SLC30A7: variants seen among roughly 807,000 people sequenced by gnomAD.
SLC30A7 encodes solute carrier family 30 member 7.
SLC30A7 carries 35 observed loss-of-function variants against 46.0 expected under a neutral mutation model. That is an observed-to-expected ratio of 0.76 (90% confidence interval 0.58 to 1.01). The LOEUF is 1.01. SLC30A7 is among the 50% of genes least tolerant of loss of function. SLC30A7 has a pLI of 0.00. For missense variants in SLC30A7, 464 were observed against 451.1 expected (o/e 1.03, Z -0.26); for synonymous variants, 147 against 157.8 (o/e 0.93, Z 0.51).
At chr1:100,920,433 T>C (rs912119681) in intron 7 of SLC30A7, among the ~76,000 whole-genome samples, 1 of 152,050 alleles carries the variant, frequency 6.6e-6, no homozygotes. Context: ...TCTGACAAAA[T>C]TTATTTCTTT....
chr1:100,979,253 G>A lies in SLC30A7; in HGVS notation c.*4396G>A, dbSNP rs1175519746. ...TTTTTTTCCTTTCATCACCGTCTTT[G>A]AAACAAATTATTTTCCAATTCATAA... On this transcript the variant is annotated 3_prime_UTR_variant, in exon 11 of 11. Transcript: ENST00000357650. 1 of 150,238 alleles carries A rather than the reference G, an allele frequency of 6.7e-6. No individual in the cohort carries two copies. The highest frequency in any genetic ancestry group is 1.5e-5 in the Non-Finnish European group (1 of 67,606). The allele number at this position is 150,238 out of a possible 1,614,324, so 9.3% of individuals were successfully genotyped here.
At chr1:100,931,384 C>T (rs1254079310) in intron 8 of SLC30A7, among the ~76,000 whole-genome samples, 1 of 152,114 alleles carries the variant, frequency 6.6e-6, no homozygotes, top group Non-Finnish European at 1.5e-5. Context: ...ATGCACAATT[C>T]GTAAATATGC....
At chr1:100,973,142 C>T (rs1656251665) in intron 10 of SLC30A7, among the ~76,000 whole-genome samples, 1 of 151,930 alleles carries the variant, frequency 6.6e-6, no homozygotes, top group Non-Finnish European at 1.5e-5. Context: ...GCCTGCAAGC[C>T]TTTTATCCAT....
chr1:100,958,064 C>T (rs187367881), intron 8 of SLC30A7, among the ~76,000 whole-genome samples: 1 of 152,314 alleles, frequency 6.6e-6, no homozygotes, highest in East Asian at 1.9e-4. Flanking sequence ...TGTCAAAATC[C>T]TTAAGTCCAT....
chr1:100,973,064 A>T (rs1384502794), intron 10 of SLC30A7, among the ~76,000 whole-genome samples: 2 of 151,802 alleles, frequency 1.3e-5, no homozygotes, highest in South Asian at 4.1e-4. Context: ...ACAGGAAAAA[A>T]AAAAAGAAAA....
intron 8 of SLC30A7, among the ~76,000 whole-genome samples, chr1:100,937,278 C>CT (rs796807511): frequency 6.6e-6 from 1 of 152,060 alleles, no homozygotes; most frequent in South Asian, 2.1e-4. Flanking sequence ...ATTTAAACAT[C>CT]TGAGTATTTA....
intron 7 of SLC30A7, among the ~76,000 whole-genome samples, chr1:100,919,219 T>G (rs144374754): frequency 4.1e-4 from 62 of 152,230 alleles, no homozygotes; most frequent in African/African-American, 1.1e-3. Context: ...TAGTAATTTT[T>G]TTTTGTTTTG....
At chr1:100,901,920 T>G (rs1193330813) in intron 2 of SLC30A7, among the ~76,000 whole-genome samples, 3 of 152,124 alleles carry the variant, frequency 2.0e-5, no homozygotes. Flanking sequence ...TCATGTAACC[T>G]TAGGTATTCT....
At chr1:100,987,380 T>G in the SLC30A7 span, among the ~76,000 whole-genome samples, 20 of 152,314 alleles carry the variant, frequency 1.3e-4, no homozygotes, top group African/African-American at 4.6e-4. Flanking sequence ...GCTTGATATT[T>G]CCCCAAATGG....
At chr1:100,910,807 A>G (rs186032543) in intron 3 of SLC30A7, among the ~76,000 whole-genome samples, 60 of 152,248 alleles carry the variant, frequency 3.9e-4, no homozygotes, top group African/African-American at 1.4e-3. Context: ...TTCTAAAACT[A>G]CTTACTCTAA....
intron 5 of SLC30A7, 44 bp from the exon 6 acceptor site, chr1:100,913,614 TATATA>T: frequency 7.1e-7 from 1 of 1,399,252 alleles, no homozygotes; most frequent in Non-Finnish European, 1.0e-6. Flanking sequence ...TGTAACCATT[TATATA>T]ATATATTTTT....
chr1:100,958,473 G>A (rs1193218052), intron 8 of SLC30A7, among the ~76,000 whole-genome samples: 1 of 152,184 alleles, frequency 6.6e-6, no homozygotes, highest in Non-Finnish European at 1.5e-5. Context: ...ACCGCACCCG[G>A]CCAGTATTTG....
At chr1:100,958,388 G>C (rs1405931573) in intron 8 of SLC30A7, among the ~76,000 whole-genome samples, 2 of 152,158 alleles carry the variant, frequency 1.3e-5, no homozygotes, top group Non-Finnish European at 2.9e-5. Context: ...GTGTTAGCCA[G>C]GATGGTCTCG....
At chr1:100,940,979 C>T in intron 8 of SLC30A7, 1 of 376,918 alleles carries the variant, frequency 2.7e-6, no homozygotes, top group South Asian at 2.1e-5. Flanking sequence ...ACTTCTCTGG[C>T]TCTTCTCTCC....
At chr1:100,941,189 A>G in intron 8 of SLC30A7, 3 of 370,744 alleles carry the variant, frequency 8.1e-6, no homozygotes, top group South Asian at 7.3e-5. Context: ...TGCCAAGATC[A>G]TTGTAGCTTT....
chr1:100,982,602 T>G (rs911835683), downstream of SLC30A7, among the ~76,000 whole-genome samples: 2 of 152,176 alleles, frequency 1.3e-5, no homozygotes, highest in Non-Finnish European at 2.9e-5. Context: ...TTGAAATCTT[T>G]TACTTTCTTT....
chr1:100,937,705 T>A (rs1329956280), intron 8 of SLC30A7, among the ~76,000 whole-genome samples: 2 of 152,316 alleles, frequency 1.3e-5, no homozygotes, highest in African/African-American at 4.8e-5. Flanking sequence ...ATTCTGGATA[T>A]TAACTCTTTA....
chr1:100,899,815 G>A (rs564795039), intron 2 of SLC30A7, among the ~76,000 whole-genome samples: 1 of 145,348 alleles, frequency 6.9e-6, no homozygotes, highest in African/African-American at 2.5e-5. Flanking sequence ...TAAAAGGTGT[G>A]CACATTTTTT....
intron 10 of SLC30A7, among the ~76,000 whole-genome samples, chr1:100,974,033 G>T (rs1656313877): frequency 6.6e-6 from 1 of 152,190 alleles, no homozygotes; most frequent in South Asian, 2.1e-4. Flanking sequence ...TTGCTGTAAA[G>T]AAGAGCGGAG....
Sources: allele counts gnomAD v4.1 joint callset (sites outside exome capture counted in the v4.1 genomes callset), GRCh38; gene constraint gnomAD v4.1.1; transcripts MANE v1.5; gene names NCBI Gene and HGNC (gene_info 2026-07-23, HGNC 2026-07-21).